Variants in HOXB3 observed in about 807,000 individuals in gnomAD.
The protein encoded by HOXB3 is homeobox B3, also known as homeobox protein Hox-B3.
A neutral mutation model predicts 29.2 loss-of-function variants in HOXB3; 17 were observed. That is an observed-to-expected ratio of 0.58 (90% CI 0.40 to 0.87). HOXB3 has a LOEUF of 0.87. Among genes scored for constraint, HOXB3 ranks in the 40% least tolerant of loss-of-function variants. The probability of loss-of-function intolerance (pLI) is 0.00; values close to 1 mark genes in which losing one functional copy is unlikely to be tolerated. For synonymous variants in HOXB3, 317 were observed against 285.9 expected (o/e 1.11, Z -1.10); for missense variants, 637 against 616.3 (o/e 1.03, Z -0.35).
At chr17:48,583,383 T>G (rs2069988309) in intron 1 of HOXB3, among the ~76,000 whole-genome samples, 1 of 152,208 alleles carries the variant, frequency 6.6e-6, no homozygotes, top group Admixed American at 6.5e-5. Context: ...AAGAAGGCAT[T>G]TAAAATAGTG....
intron 1 of HOXB3, 112 bp from the exon 2 acceptor site, chr17:48,574,126 G>T: frequency 2.1e-6 from 1 of 479,622 alleles, no homozygotes; most frequent in South Asian, 3.3e-5. Context: ...CAGAATGGCT[G>T]TGAACTTTAA....
At chr17:48,577,927 C>G in intron 1 of HOXB3, 1 of 1,363,830 alleles carries the variant, frequency 7.3e-7, no homozygotes, top group Non-Finnish European at 9.5e-7. Context: ...CGGAGTGGGA[C>G]GGGCTGGGGT....
intron 2 of HOXB3, among the ~76,000 whole-genome samples, chr17:48,564,666 C>T (rs139823871): frequency 1.3e-5 from 2 of 152,336 alleles, no homozygotes; most frequent in Admixed American, 1.3e-4. Flanking sequence ...GCGTAGGGAG[C>T]GCCGGGGGCG....
intron 1 of HOXB3, chr17:48,577,793 C>G: frequency 2.3e-6 from 3 of 1,291,254 alleles, no homozygotes; most frequent in Non-Finnish European, 2.0e-6. Flanking sequence ...CCCCCCCAAC[C>G]CATGCCTCCG....
Position 48,551,042 on chromosome 17 carries a change from C to T in HOXB3, c.588G>A (p.Thr196=). 1 of 1,606,752 alleles carries T rather than the reference C, an allele frequency of 6.2e-7. No individual in the cohort carries two copies. The highest frequency in any genetic ancestry group is 8.5e-7 in the Non-Finnish European group (1 of 1,175,338). ...TCTCCAGCTCCACCAGCTGCGCGCTCGTGTACGCCGTCCGCGCCCGCTTGG... is the reference window on the plus strand; with the variant it reads ...TCTCCAGCTCCACCAGCTGCGCGCTTGTGTACGCCGTCCGCGCCCGCTTGG... ...AASKRARTAY[T]SAQLVELEKE... Residue 196 remains threonine, a synonymous_variant, in exon 5 of 5, where the codon ACG becomes ACA. Transcript: ENST00000498678.
At chr17:48,574,978 C>T (rs1247882894) in intron 1 of HOXB3, 1 of 152,128 alleles carries the variant, frequency 6.6e-6, no homozygotes, top group East Asian at 1.9e-4. Flanking sequence ...CTGCAAACAC[C>T]CAGAAACATC....
intron 1 of HOXB3, among the ~76,000 whole-genome samples, chr17:48,583,669 G>A (rs2069992689): frequency 6.6e-6 from 1 of 152,170 alleles, no homozygotes; most frequent in African/African-American, 2.4e-5. Flanking sequence ...TCTAGCCCAG[G>A]ACCTTGGGCT....
At chr17:48,578,154 G>T in intron 1 of HOXB3, 1 of 1,593,846 alleles carries the variant, frequency 6.3e-7, no homozygotes, top group Non-Finnish European at 8.6e-7. Flanking sequence ...GCCGCGCGCC[G>T]CCCGAAGCCC....
intron 1 of HOXB3, 130 bp downstream of exon 1, chr17:48,589,995 A>G (rs1412455258): frequency 6.6e-6 from 1 of 152,116 alleles, no homozygotes; most frequent in African/African-American, 2.4e-5. Flanking sequence ...AGTCCCTTAG[A>G]ACTGGGTGCA....
chr17:48,570,547 G>A (rs2740757), intron 2 of HOXB3, among the ~76,000 whole-genome samples: 31,654 of 152,122 alleles, frequency 0.21, 3,934 homozygotes, highest in East Asian at 0.42. Flanking sequence ...GGCCTCCCCC[G>A]GCTTGTTCGA....
Position 48,552,532 on chromosome 17 carries a change from C to A in HOXB3, c.-58G>T. ...TTGGAAAGGCCTGATACCCTCAGGA[C>A]CGGACATTGGCAACCCTGGGGGTCA... On this transcript the variant is annotated 5_prime_UTR_variant, in exon 4 of 5. Coordinates refer to ENST00000498678, the MANE Select transcript of HOXB3 (RefSeq NM_001384749.1). The A allele has an allele frequency of 7.1e-7, 1 of 1,404,848 alleles. No homozygotes were observed. The highest frequency in any genetic ancestry group is 9.7e-7 in the Non-Finnish European group (1 of 1,035,954). The allele number at this position is 1,404,848 out of a possible 1,614,324, so 87.0% of individuals were successfully genotyped here. A position where few individuals can be genotyped will look rare whatever the true frequency, so the allele number is the denominator to read the frequency against.
intron 2 of HOXB3, among the ~76,000 whole-genome samples, chr17:48,568,388 C>T (rs1416262403): frequency 2.0e-5 from 3 of 152,220 alleles, no homozygotes; most frequent in Admixed American, 2.0e-4. Flanking sequence ...TTGATAATCA[C>T]AGATGCTGTA....
chr17:48,569,247 C>T (rs1189145871), intron 2 of HOXB3, among the ~76,000 whole-genome samples: 1 of 152,088 alleles, frequency 6.6e-6, no homozygotes, highest in Non-Finnish European at 1.5e-5. Context: ...CGATTTCAGG[C>T]TCAAAGGACC....
chr17:48,550,716 G>C lies in HOXB3; in HGVS notation c.914C>G (p.Pro305Arg). ...GKAHQNAYAL[P>R]SNYQPPLKGC... ...TTTGAGAGGGGGCTGGTAGTTGGAG[G>C]GCAGCGCGTAGGCATTCTGGTGGGC... is the stretch of plus-strand genomic sequence containing the variant. Residue 305 changes from proline (P) to arginine (R), a missense_variant, in exon 5 of 5, where the codon CCC becomes CGC. Transcript: ENST00000498678. The C allele has an allele frequency of 6.4e-7, 1 of 1,553,614 alleles. No individual in the cohort carries two copies. The highest frequency in any genetic ancestry group is 8.7e-7 in the Non-Finnish European group (1 of 1,148,370).
At chr17:48,569,085 G>T (rs1204494021) in intron 2 of HOXB3, among the ~76,000 whole-genome samples, 1 of 150,464 alleles carries the variant, frequency 6.6e-6, no homozygotes. Flanking sequence ...TTTTTCTCGG[G>T]GTACAGGCTT....
chr17:48,559,439 G>C (rs914972270), intron 2 of HOXB3: 1 of 152,216 alleles, frequency 6.6e-6, no homozygotes, highest in Non-Finnish European at 1.5e-5. Flanking sequence ...TGTAAGCCTG[G>C]GGCGAGATGT....
chr17:48,578,375 G>A, intron 1 of HOXB3: 2 of 1,559,790 alleles, frequency 1.3e-6, no homozygotes, highest in Admixed American at 3.9e-5. Context: ...CCCCTGACTC[G>A]TTTTCCTGTT....
intron 2 of HOXB3, among the ~76,000 whole-genome samples, chr17:48,572,521 C>G (rs1329020981): frequency 2.6e-5 from 4 of 152,116 alleles, no homozygotes; most frequent in Non-Finnish European, 5.9e-5. Flanking sequence ...CATATCTTCT[C>G]CCTTTGTCTT....
intron 1 of HOXB3, among the ~76,000 whole-genome samples, chr17:48,583,197 C>A (rs2069983925): frequency 6.6e-6 from 1 of 152,144 alleles, no homozygotes; most frequent in South Asian, 2.1e-4. Flanking sequence ...AAGATAGAAC[C>A]CTGAGAGAGG....
Sources: allele counts gnomAD v4.1 joint callset (sites outside exome capture counted in the v4.1 genomes callset), GRCh38; gene constraint gnomAD v4.1.1; transcripts MANE v1.5; gene names NCBI Gene and HGNC (gene_info 2026-07-23, HGNC 2026-07-21).